Variants in SLC7A14 observed in about 807,000 individuals in gnomAD.
SLC7A14 encodes the protein solute carrier family 7 member 14, also known as gamma-aminobutyric acid transporter SLC7A14.
Under a neutral mutation model 60.2 loss-of-function variants are expected in SLC7A14, and 37 were observed. The observed-to-expected ratio is 0.61, with a 90% CI of 0.47 to 0.81. The LOEUF (loss-of-function observed/expected upper bound fraction) is 0.81. Ranked by LOEUF, SLC7A14 falls within the 30% of genes least tolerant of loss-of-function variation. The probability of loss-of-function intolerance (pLI) is 0.00; values close to 1 mark genes in which losing one functional copy is unlikely to be tolerated. For missense variants in SLC7A14, 886 were observed against 982.7 expected, an observed-to-expected ratio of 0.90 and a Z score of 1.32; for synonymous variants, 399 against 395.8, an observed-to-expected ratio of 1.01 and a Z score of -0.10.
chr3:170,474,080 A>G (rs1162985723), intron 7 of SLC7A14, among the ~76,000 whole-genome samples: 1 of 152,180 alleles, frequency 6.6e-6, no homozygotes, highest in East Asian at 1.9e-4. Flanking sequence ...ACTAGAAACA[A>G]CCCAAATGTC....
intron 2 of SLC7A14, among the ~76,000 whole-genome samples, chr3:170,522,519 A>T (rs1713366639): frequency 6.6e-6 from 1 of 152,248 alleles, no homozygotes; most frequent in Non-Finnish European, 1.5e-5. Flanking sequence ...CATCTTGCTA[A>T]GCAAAAGAAA....
chr3:170,484,692 C>T (rs929921306), intron 5 of SLC7A14, among the ~76,000 whole-genome samples: 12 of 152,290 alleles, frequency 7.9e-5, no homozygotes, highest in African/African-American at 2.4e-4. Flanking sequence ...TAGCAAAGCC[C>T]AGCAACCTTG....
At chr3:170,481,971 G>A (rs569302537) in intron 6 of SLC7A14, among the ~76,000 whole-genome samples, 2 of 152,330 alleles carry the variant, frequency 1.3e-5, no homozygotes, top group South Asian at 4.1e-4. Context: ...ATAGTAGGGT[G>A]AGGCCTAGCA....
intron 1 of SLC7A14, among the ~76,000 whole-genome samples, chr3:170,533,960 T>G (rs1172780697): frequency 6.6e-6 from 1 of 152,236 alleles, no homozygotes; most frequent in Non-Finnish European, 1.5e-5. Context: ...ACTTGGAATA[T>G]CTTTAAAGGG....
chr3:170,543,751 C>CTTTTTTTT (rs1177925466), intron 1 of SLC7A14, among the ~76,000 whole-genome samples: 1 of 136,746 alleles, frequency 7.3e-6, no homozygotes. Context: ...TTCTTTCTTT[C>CTTTTTTTT]TTTTTTTTTT....
chr3:170,583,319 G>C (rs1457187033), intron 1 of SLC7A14, among the ~76,000 whole-genome samples: 1 of 152,224 alleles, frequency 6.6e-6, no homozygotes, highest in Admixed American at 6.5e-5. Flanking sequence ...GACAACACTG[G>C]AATAGTAGGA....
chr3:170,511,437 C>A lies in SLC7A14; in HGVS notation c.305-10092G>T, dbSNP rs116474863. 6.4e-3 allele frequency among the ~76,000 whole-genome samples: 969 copies of A among 152,154 alleles called. 11 individuals carry two copies. Among genetic ancestry groups the A allele is most frequent in the African/African-American group, 0.02 (836 of 41,510 alleles). ...AAAAAGGACAAATAAAATTATTGCT[C>A]TCTGTGGTCTGGAGCAGGTCACCCA... On this transcript the variant is annotated intron_variant, in intron 2 of 7. Coordinates refer to ENST00000231706, the MANE Select transcript of SLC7A14 (RefSeq NM_020949.3).
intron 1 of SLC7A14, among the ~76,000 whole-genome samples, chr3:170,537,795 C>T (rs1307390833): frequency 1.3e-5 from 2 of 152,204 alleles, no homozygotes; most frequent in African/African-American, 2.4e-5. Context: ...GTGTCCTGAC[C>T]TCCAAGCCAG....
chr3:170,569,957 ACCAGCT>A (rs1330008976), intron 1 of SLC7A14: 4 of 152,166 alleles, frequency 2.6e-5, no homozygotes, highest in African/African-American at 9.7e-5. Flanking sequence ...CTTTCAAAAT[ACCAGCT>A]CCTGGATTCA....
At chr3:170,489,986 AT>A (rs1187953260) in intron 4 of SLC7A14, among the ~76,000 whole-genome samples, 2 of 152,142 alleles carry the variant, frequency 1.3e-5, no homozygotes, top group Middle Eastern at 3.2e-3. Flanking sequence ...GGGATGGTTA[AT>A]GGGTACAAAA....
Position 170,467,251 on chromosome 3 carries a change from C to A in SLC7A14, c.2120G>T (p.Gly707Val). Residue 707 changes from glycine (G) to valine (V), a missense_variant, in exon 8 of 8, where the codon GGT becomes GTT. Gly to Val is a moderately radical substitution (Grantham distance 109). Transcript: ENST00000231706. ...CTCGCCCTCTGTGGCGTAGGAGAAA[C>A]CCTCCTCCACTGAGAAGGGGTCATC... ...DVDDPFSVEEGFSYATEGESQ... is the reference protein window; with the variant it reads ...DVDDPFSVEEVFSYATEGESQ... 2.5e-6 allele frequency: 4 copies of A among 1,614,238 alleles called. No homozygotes were observed. Among genetic ancestry groups the A allele is most frequent in the Non-Finnish European group, 3.4e-6 (4 of 1,180,048 alleles).
At chr3:170,476,331 C>G (rs1711615540) in intron 7 of SLC7A14, among the ~76,000 whole-genome samples, 1 of 152,206 alleles carries the variant, frequency 6.6e-6, no homozygotes, top group South Asian at 2.1e-4. Flanking sequence ...CAGTTAGCAG[C>G]AGGTGCCCAG....
Position 170,495,746 on chromosome 3 carries a change from T to G in SLC7A14, c.759+2921A>C. The G allele has an allele frequency of 2.5e-6, 3 of 1,177,190 alleles. No homozygotes were observed. In the Admixed American group the frequency reaches 5.1e-5, roughly 20 times the overall value. The allele number at this position is 1,177,190 out of a possible 1,614,324, so 72.9% of individuals were successfully genotyped here. A position where few individuals can be genotyped will look rare whatever the true frequency, so the allele number is the denominator to read the frequency against. On this transcript the variant is annotated intron_variant, in intron 4 of 7. Transcript: ENST00000231706. ...AGATCAAGACCCTCAACAACAAGTT[T>G]GCCTCCTTCATCGACAAGGTACGGT...
intron 1 of SLC7A14, among the ~76,000 whole-genome samples, chr3:170,561,194 C>T (rs1045703625): frequency 1.3e-5 from 2 of 152,212 alleles, no homozygotes; most frequent in Non-Finnish European, 2.9e-5. Context: ...CTAGGCCCCA[C>T]CCAGAATTGT....
intron 1 of SLC7A14, among the ~76,000 whole-genome samples, chr3:170,540,013 A>T (rs754964454): frequency 5.9e-5 from 9 of 152,216 alleles, no homozygotes; most frequent in Non-Finnish European, 8.8e-5. Flanking sequence ...TACAATGTAC[A>T]GTCGATCTGA....
rs1739555957 is a variant in SLC7A14 at position 170,459,730 on chromosome 3, A to C, written c.*7325T>G. The C allele has an allele frequency of 1.3e-5, 2 of 152,228 alleles. No individual in the cohort carries two copies. The highest frequency in any genetic ancestry group is 1.3e-4 in the Admixed American group (2 of 15,286). 9.4% of individuals were successfully genotyped at this position (152,228 alleles called of 1,614,324 possible). On this transcript the variant is annotated 3_prime_UTR_variant, in exon 8 of 8. Transcript: ENST00000231706. ...TCATCTCCATTTAAGAATGGAAAAA[A>C]AGTAACAGACTTCAGATACTGGTTA...
intron 1 of SLC7A14, among the ~76,000 whole-genome samples, chr3:170,550,822 A>G (rs1577556119): frequency 6.6e-6 from 1 of 152,034 alleles, no homozygotes; most frequent in Non-Finnish European, 1.5e-5. Flanking sequence ...GCGCCCAACC[A>G]TCTTTCCTTG....
In SLC7A14 at chr3:170,535,400, A is replaced by G. The variant is rs1356319656; in HGVS notation, c.-152-8312T>C. On this transcript the variant is annotated intron_variant, in intron 1 of 7. Coordinates refer to ENST00000231706, the MANE Select transcript of SLC7A14 (RefSeq NM_020949.3). The surrounding 1 kb of genome is among the most constrained non-coding windows in gnomAD (Gnocchi z 4.3). Reference sequence around the variant, plus strand: ...TTTAAGAATTTGTATTAATCATTGCAAAAGTATTTAATGAGTTCCCGGTGT... The same window carrying G: ...TTTAAGAATTTGTATTAATCATTGCGAAAGTATTTAATGAGTTCCCGGTGT... Among the ~76,000 whole-genome samples the G allele has an allele frequency of 6.6e-6, 1 of 152,176 alleles. No homozygotes were observed. Among genetic ancestry groups the G allele is most frequent in the Non-Finnish European group, 1.5e-5 (1 of 68,024 alleles).
intron 2 of SLC7A14, among the ~76,000 whole-genome samples, chr3:170,522,666 C>T (rs1713370335): frequency 6.6e-6 from 1 of 152,088 alleles, no homozygotes; most frequent in Admixed American, 6.5e-5. Flanking sequence ...AAAGAGGCAG[C>T]CTGGAGAAAT....
Sources: gnomAD v4.1 joint callset for allele counts (sites outside exome capture counted in the v4.1 genomes callset) on GRCh38, gnomAD v4.1.1 for gene constraint, Gnocchi (gnomAD v3.1) non-coding constraint, MANE v1.5 for transcripts, NCBI Gene and HGNC (gene_info 2026-07-23, HGNC 2026-07-21) for gene names.